The following FAM174A variants were observed in gnomAD, a reference collection of about 807,000 sequenced individuals.
FAM174A encodes the protein family with sequence similarity 174 member A, also known as membrane protein FAM174A.
FAM174A carries 14 observed loss-of-function variants against 14.3 expected under a neutral mutation model. The ratio of observed to expected loss-of-function variants is 0.98; its 90% CI spans 0.65 to 1.53. The LOEUF (loss-of-function observed/expected upper bound fraction) is 1.53, where lower values mean the gene tolerates loss of function less well. Among genes scored for constraint, FAM174A ranks in the 40% most tolerant of loss-of-function variants. The probability of loss-of-function intolerance (pLI) is 0.00; values close to 1 mark genes in which losing one functional copy is unlikely to be tolerated. For synonymous variants in FAM174A, 108 were observed against 111.4 expected (o/e 0.97, Z 0.19); for missense variants, 241 against 249.6 (o/e 0.97, Z 0.23).
intron 2 of FAM174A, among the ~76,000 whole-genome samples, chr5:100,574,649 A>T (rs187624396): frequency 6.6e-6 from 1 of 152,202 alleles, no homozygotes; most frequent in Non-Finnish European, 1.5e-5. Flanking sequence ...CTCTCTTGTT[A>T]TAATTCTTCA....
intron 1 of FAM174A, among the ~76,000 whole-genome samples, chr5:100,547,230 A>T (rs1194461439): frequency 6.6e-6 from 1 of 151,928 alleles, no homozygotes; most frequent in Non-Finnish European, 1.5e-5. Context: ...GTCCATTCAT[A>T]AAAAAAAGTA....
chr5:100,535,407 C>A lies in FAM174A; in HGVS notation c.-124C>A, dbSNP rs1561309499. 37 of 1,049,314 alleles carry A rather than the reference C, an allele frequency of 3.5e-5. No homozygotes were observed. The highest frequency in any genetic ancestry group is 2.9e-4 in the Middle Eastern group (1 of 3,496). The allele number at this position is 1,049,314 out of a possible 1,614,324, so 65.0% of individuals were successfully genotyped here. On this transcript the variant is annotated 5_prime_UTR_variant, in exon 1 of 3. Coordinates refer to ENST00000312637, the MANE Select transcript of FAM174A (RefSeq NM_198507.3). ...CTGCTGTAGCTTCTGCCACCTGCCA[C>A]GACCGGGCCTCTCCCTGGCGTTTGG... is the stretch of plus-strand genomic sequence containing the variant.
intron 2 of FAM174A, among the ~76,000 whole-genome samples, chr5:100,564,310 A>G (rs6872159): frequency 0.24 from 35,959 of 151,606 alleles, 4,603 homozygotes; most frequent in Admixed American, 0.34. Context: ...AGGAAATCAA[A>G]GGGAATTTTA....
intron 1 of FAM174A, among the ~76,000 whole-genome samples, chr5:100,555,074 C>T (rs1305571145): frequency 6.6e-6 from 1 of 151,848 alleles, no homozygotes; most frequent in Non-Finnish European, 1.5e-5. Context: ...GCTATCCCTC[C>T]CCCCTACCCC....
intron 1 of FAM174A, among the ~76,000 whole-genome samples, chr5:100,545,760 C>G (rs1470359005): frequency 6.6e-6 from 1 of 152,008 alleles, no homozygotes; most frequent in Admixed American, 6.6e-5. Flanking sequence ...TTTTAACTTT[C>G]TTTTATTACT....
chr5:100,567,630 C>T (rs1746690607), intron 2 of FAM174A, among the ~76,000 whole-genome samples: 1 of 151,864 alleles, frequency 6.6e-6, no homozygotes, highest in South Asian at 2.1e-4. Context: ...TAGTTATTAG[C>T]ATTTTATCTT....
At chr5:100,555,667 C>G (rs917377743) in intron 1 of FAM174A, among the ~76,000 whole-genome samples, 2 of 152,160 alleles carry the variant, frequency 1.3e-5, no homozygotes, top group African/African-American at 4.8e-5. Flanking sequence ...ATTTGCATTT[C>G]TCTGATGGCC....
chr5:100,566,823 G>C (rs247935), intron 2 of FAM174A, among the ~76,000 whole-genome samples: 464 of 151,882 alleles, frequency 3.1e-3, no homozygotes, highest in Non-Finnish European at 5.6e-3. Context: ...CAATTCTATA[G>C]ACCATAAAAA....
chr5:100,548,115 T>G (rs1746197238), intron 1 of FAM174A, among the ~76,000 whole-genome samples: 1 of 152,088 alleles, frequency 6.6e-6, no homozygotes, highest in South Asian at 2.1e-4. Flanking sequence ...TTCTATCTCA[T>G]TTGTCCGAAC....
chr5:100,555,614 C>G (rs112473668), intron 1 of FAM174A, among the ~76,000 whole-genome samples: 1 of 149,412 alleles, frequency 6.7e-6, no homozygotes, highest in Non-Finnish European at 1.5e-5. Context: ...TTTGAATGAT[C>G]GCCATTCTAA....
chr5:100,571,853 C>G (rs1305983261), intron 2 of FAM174A, among the ~76,000 whole-genome samples: 2 of 151,688 alleles, frequency 1.3e-5, no homozygotes, highest in Non-Finnish European at 2.9e-5. Flanking sequence ...GTTTTACAAC[C>G]ATTTTTACAG....
chr5:100,543,169 A>G (rs1746095974), intron 1 of FAM174A, among the ~76,000 whole-genome samples: 1 of 152,168 alleles, frequency 6.6e-6, no homozygotes, highest in Non-Finnish European at 1.5e-5. Context: ...TTATTTATTT[A>G]GAGACAAGGT....
chr5:100,536,167 A>G (rs1242188461), intron 1 of FAM174A, among the ~76,000 whole-genome samples: 1 of 152,208 alleles, frequency 6.6e-6, no homozygotes, highest in Non-Finnish European at 1.5e-5. Context: ...TTGTTTATAA[A>G]TGAGTGCCCT....
At chr5:100,575,644 A>G (rs1202506185) in intron 2 of FAM174A, among the ~76,000 whole-genome samples, 1 of 152,216 alleles carries the variant, frequency 6.6e-6, no homozygotes, top group East Asian at 1.9e-4. Context: ...CATGTCGAAA[A>G]CACCAAAAGC....
chr5:100,576,661 G>A (rs1044163769), intron 2 of FAM174A, among the ~76,000 whole-genome samples: 4 of 152,198 alleles, frequency 2.6e-5, no homozygotes, highest in Middle Eastern at 3.4e-3. Context: ...GCTAACCACC[G>A]TTCCACCAAC....
chr5:100,576,541 T>C (rs1360323418), intron 2 of FAM174A, among the ~76,000 whole-genome samples: 2 of 152,128 alleles, frequency 1.3e-5, no homozygotes, highest in Non-Finnish European at 2.9e-5. Flanking sequence ...TTTCACATCA[T>C]TGTCCAGGAT....
intron 1 of FAM174A, among the ~76,000 whole-genome samples, chr5:100,554,649 T>C (rs1189444091): frequency 6.6e-6 from 1 of 152,094 alleles, no homozygotes; most frequent in African/African-American, 2.4e-5. Context: ...ATACATTTAT[T>C]ATTTCTTTTC....
intron 2 of FAM174A, among the ~76,000 whole-genome samples, chr5:100,573,095 G>A (rs936279097): frequency 6.6e-6 from 1 of 151,992 alleles, no homozygotes; most frequent in African/African-American, 2.4e-5. Flanking sequence ...TTTTTGATGG[G>A]GTTATTTGTT....
At chr5:100,556,315 A>G (rs937765006) in intron 1 of FAM174A, among the ~76,000 whole-genome samples, 40 of 152,304 alleles carry the variant, frequency 2.6e-4, no homozygotes, top group Non-Finnish European at 4.6e-4. Context: ...CTGTTTTGGT[A>G]TCAGTACCAT....
Sources: gnomAD v4.1 joint callset for allele counts (sites outside exome capture counted in the v4.1 genomes callset) on GRCh38, gnomAD v4.1.1 for gene constraint, MANE v1.5 for transcripts, NCBI Gene and HGNC (gene_info 2026-07-23, HGNC 2026-07-21) for gene names.